RIMS1: variants seen among roughly 807,000 people sequenced by gnomAD.
The protein encoded by RIMS1 is regulating synaptic membrane exocytosis protein 1.
Under a neutral mutation model 214.1 loss-of-function variants are expected in RIMS1, and 83 were observed. That is an observed-to-expected ratio of 0.39 (90% confidence interval 0.32 to 0.47). The LOEUF is 0.47. Ranked by LOEUF, RIMS1 falls within the 20% of genes least tolerant of loss-of-function variation. RIMS1 has a pLI of 0.99. For synonymous variants in RIMS1, 793 were observed against 786.8 expected (o/e 1.01, Z -0.13); for missense variants, 2,050 against 2,161.8 (o/e 0.95, Z 1.03).
At chr6:71,942,738 A>C (rs956197366) in intron 1 of RIMS1, among the ~76,000 whole-genome samples, 1 of 152,044 alleles carries the variant, frequency 6.6e-6, no homozygotes, top group Non-Finnish European at 1.5e-5. Flanking sequence ...TTGAATCAAG[A>C]ATAAAAAAAG....
chr6:72,208,960 TTTAGGGCTCTGTAGC>T (rs368392757), intron 6 of RIMS1, among the ~76,000 whole-genome samples: 302 of 152,260 alleles, frequency 2.0e-3, no homozygotes, highest in Middle Eastern at 6.8e-3. Context: ...GTCTGGAAGC[TTTAGGGCTCTGTAGC>T]TTAGAAGACA....
chr6:72,151,509 G>A (rs1588119356), intron 4 of RIMS1, among the ~76,000 whole-genome samples: 1 of 152,208 alleles, frequency 6.6e-6, no homozygotes, highest in East Asian at 1.9e-4. Flanking sequence ...ACAATAATCT[G>A]ATAGGGAAGA....
intron 2 of RIMS1, among the ~76,000 whole-genome samples, chr6:72,057,194 T>C (rs1826423428): frequency 6.6e-6 from 1 of 152,204 alleles, no homozygotes; most frequent in South Asian, 2.1e-4. Flanking sequence ...AACTCACATA[T>C]TCAGTTGTGG....
At chr6:71,920,377 T>G (rs947844119) in intron 1 of RIMS1, among the ~76,000 whole-genome samples, 2 of 152,146 alleles carry the variant, frequency 1.3e-5, no homozygotes, top group African/African-American at 4.8e-5. Context: ...ATATATAACA[T>G]TAAGGGACAC....
At chr6:72,187,391 G>A (rs2153976388) in intron 6 of RIMS1, among the ~76,000 whole-genome samples, 1 of 151,126 alleles carries the variant, frequency 6.6e-6, no homozygotes, top group East Asian at 1.9e-4. Context: ...TAATATTGTT[G>A]TATGAACACA....
intron 29 of RIMS1, among the ~76,000 whole-genome samples, chr6:72,364,490 A>G (rs1375884229): frequency 6.6e-6 from 1 of 152,226 alleles, no homozygotes. Context: ...TAATCTTTAT[A>G]AAATACTAAT....
At chr6:72,268,334 T>C (rs1162115073) in intron 22 of RIMS1, among the ~76,000 whole-genome samples, 6 of 152,280 alleles carry the variant, frequency 3.9e-5, no homozygotes, top group Non-Finnish European at 5.9e-5. Context: ...ACCGCAGGGA[T>C]TATTGTATTA....
At chr6:72,042,213 T>C (rs1821647737) in intron 2 of RIMS1, among the ~76,000 whole-genome samples, 1 of 151,872 alleles carries the variant, frequency 6.6e-6, no homozygotes, top group South Asian at 2.1e-4. Context: ...TGTCTTGTAT[T>C]AATAGTAGAA....
Position 72,258,838 on chromosome 6 carries a change from T to TA in RIMS1, c.2928-146dup, listed in dbSNP as rs1175164868. 3 of 740,192 alleles carry TA rather than the reference T, an allele frequency of 4.1e-6. No individual in the cohort carries two copies. In the African/African-American group the frequency reaches 5.2e-5, roughly 13 times the overall value. The allele number at this position is 740,192 out of a possible 1,614,324, so 45.9% of individuals were successfully genotyped here. A position where few individuals can be genotyped will look rare whatever the true frequency, so the allele number is the denominator to read the frequency against. On this transcript the variant is annotated intron_variant, in intron 17 of 33. Transcript: ENST00000521978. Reference sequence around the variant, plus strand: ...AAAACTCATAGAAAACAAATACCCTTAACTCATTGATAAGTAGGTTTTGAT... The same window carrying TA: ...AAAACTCATAGAAAACAAATACCCTTAAACTCATTGATAAGTAGGTTTTGAT...
intron 1 of RIMS1, among the ~76,000 whole-genome samples, chr6:71,920,237 T>C (rs1779594849): frequency 6.6e-6 from 1 of 152,216 alleles, no homozygotes; most frequent in Admixed American, 6.5e-5. Context: ...AAATGCAATG[T>C]AGTATCCTGA....
At chr6:72,104,070 A>G (rs75746810) in intron 4 of RIMS1, among the ~76,000 whole-genome samples, 2 of 152,110 alleles carry the variant, frequency 1.3e-5, no homozygotes, top group African/African-American at 2.4e-5. Flanking sequence ...TTAGAATTAT[A>G]TAGGTACTTA....
intron 2 of RIMS1, among the ~76,000 whole-genome samples, chr6:72,074,539 C>T (rs1033373411): frequency 6.6e-6 from 1 of 152,094 alleles, no homozygotes; most frequent in Non-Finnish European, 1.5e-5. Flanking sequence ...GTGGCCCACA[C>T]CTGTAGTCCC....
chr6:72,327,768 C>G (rs2096529401), intron 28 of RIMS1, among the ~76,000 whole-genome samples: 1 of 151,756 alleles, frequency 6.6e-6, no homozygotes, highest in Admixed American at 6.6e-5. Flanking sequence ...CCAAAATTAT[C>G]AAACTACTTT....
At chr6:72,394,030 A>G (rs960924195) in intron 31 of RIMS1, among the ~76,000 whole-genome samples, 1 of 151,900 alleles carries the variant, frequency 6.6e-6, no homozygotes, top group African/African-American at 2.4e-5. Context: ...GAACTAAAAA[A>G]AAAAAAAAAA....
intron 2 of RIMS1, among the ~76,000 whole-genome samples, chr6:71,987,079 G>C (rs1303302607): frequency 6.6e-6 from 1 of 152,188 alleles, no homozygotes; most frequent in Non-Finnish European, 1.5e-5. Flanking sequence ...GAAATATGCA[G>C]AGTGGTTAGA....
rs778538530 is a variant in RIMS1, at chr6:72,274,346, CA to C, written c.3399-2del. ...TTTCCTGTCTTGTTCACTGGGCAAACAGGGGTAGATGGTCCCCCTCCCTAGA... is the reference window on the plus strand; with the variant it reads ...TTTCCTGTCTTGTTCACTGGGCAAACGGGGTAGATGGTCCCCCTCCCTAGA... On this transcript the variant is annotated splice_acceptor_variant, in intron 22 of 33. Coordinates refer to ENST00000521978, the MANE Select transcript of RIMS1 (RefSeq NM_014989.7). LOFTEE classifies it high-confidence loss of function. 1.9e-6 allele frequency: 3 copies of C among 1,605,402 alleles called. No homozygotes were observed. The East Asian group carries it at 6.7e-5, about 36-fold the overall frequency.
chr6:72,303,608 C>CT lies in RIMS1; in HGVS notation c.3851-3648dup, dbSNP rs567878648. Among the ~76,000 whole-genome samples, 30 of 151,332 alleles carry CT rather than the reference C, an allele frequency of 2.0e-4. 1 individual carries two copies. The South Asian group carries it at 6.0e-3, about 30-fold the overall frequency. On this transcript the variant is annotated intron_variant, in intron 26 of 33. Transcript: ENST00000521978. ...TCACAGATATGGTTTTCATTTAACT[C>CT]TTAAAAATAAGTTCCAGTTTTATAC...
chr6:72,078,860 T>C (rs899732695), intron 2 of RIMS1, among the ~76,000 whole-genome samples: 2 of 152,112 alleles, frequency 1.3e-5, no homozygotes, highest in Admixed American at 6.6e-5. Flanking sequence ...AGTTTTTTTA[T>C]ATATTTATAT....
chr6:72,323,864 T>C (rs1455188520), intron 28 of RIMS1, among the ~76,000 whole-genome samples: 2 of 151,908 alleles, frequency 1.3e-5, no homozygotes, highest in Non-Finnish European at 2.9e-5. Flanking sequence ...AAGATATGAC[T>C]AGCTGAAATT....
Sources: allele counts gnomAD v4.1 joint callset (sites outside exome capture counted in the v4.1 genomes callset), GRCh38; gene constraint gnomAD v4.1.1; transcripts MANE v1.5; gene names NCBI Gene and HGNC (gene_info 2026-07-23, HGNC 2026-07-21).